The following SH3TC1 variants were observed in gnomAD, a reference collection of about 807,000 sequenced individuals.
SH3TC1 encodes the protein SH3 domain and tetratricopeptide repeats 1.
In SH3TC1, 135 loss-of-function variants were observed where a neutral mutation model predicts 117.3. The ratio of observed to expected loss-of-function variants is 1.15; its 90% CI spans 1.00 to 1.33. The LOEUF is 1.33. SH3TC1 is among the 40% of genes most tolerant of loss of function. The pLI is 0.00. For missense variants in SH3TC1, 2,092 were observed against 1,794.3 expected (o/e 1.17, Z -3.00); for synonymous variants, 898 against 816.9 (o/e 1.10, Z -1.69).
chr4:8,235,306 G>A (rs2152997241), intron 14 of SH3TC1, 127 bp from the exon 15 acceptor site: 1 of 1,195,302 alleles, frequency 8.4e-7, no homozygotes, highest in Middle Eastern at 3.0e-4. Context: ...AATGCACAGG[G>A]TCTGAAAAAG....
At chr4:8,238,018 A>T (rs1721978040) in intron 17 of SH3TC1, among the ~76,000 whole-genome samples, 1 of 152,182 alleles carries the variant, frequency 6.6e-6, no homozygotes, top group South Asian at 2.1e-4. Context: ...TCTAACAAAG[A>T]AAACAGGGTA....
chr4:8,197,508 C>G (rs915735049), upstream of SH3TC1, among the ~76,000 whole-genome samples: 5 of 152,242 alleles, frequency 3.3e-5, no homozygotes, highest in African/African-American at 1.2e-4. Flanking sequence ...GCTGCGGCCC[C>G]TCTGCCTGTG....
At chr4:8,213,113 C>A (rs1718900034) in intron 4 of SH3TC1, 2 of 456,266 alleles carry the variant, frequency 4.4e-6, no homozygotes, top group Non-Finnish European at 7.8e-6. Flanking sequence ...GCCCTCCACC[C>A]ACAAGGACTG....
At chr4:8,214,722 C>G in intron 5 of SH3TC1, 142 bp downstream of exon 5, 1 of 703,436 alleles carries the variant, frequency 1.4e-6, no homozygotes, top group African/African-American at 1.8e-5. Context: ...CTTGCTCTGT[C>G]GCCCAGGCTG....
At chr4:8,202,180 G>C (rs1717883917) in intron 1 of SH3TC1, among the ~76,000 whole-genome samples, 1 of 152,206 alleles carries the variant, frequency 6.6e-6, no homozygotes, top group African/African-American at 2.4e-5. Flanking sequence ...GCAGCCACAG[G>C]TGCCAGGACC....
At chr4:8,203,715 G>T (rs772076923) in intron 1 of SH3TC1, among the ~76,000 whole-genome samples, 1 of 152,092 alleles carries the variant, frequency 6.6e-6, no homozygotes, top group Non-Finnish European at 1.5e-5. Context: ...ACTTTGTGGC[G>T]CATGGACTCG....
intron 4 of SH3TC1, 67 bp from the exon 5 acceptor site, chr4:8,214,408 G>T: frequency 7.0e-7 from 1 of 1,421,708 alleles, no homozygotes; most frequent in Non-Finnish European, 9.9e-7. Flanking sequence ...TCATGTGGAC[G>T]CTGTCCTCCT....
chr4:8,203,483 G>A (rs747911716), intron 1 of SH3TC1, among the ~76,000 whole-genome samples: 4 of 152,052 alleles, frequency 2.6e-5, no homozygotes, highest in Non-Finnish European at 5.9e-5. Flanking sequence ...TGGGTTTTCA[G>A]GCTCAGAGCC....
At position 8,205,495 on chromosome 4, in the gene SH3TC1, C is replaced by T; in HGVS notation, c.172+129C>T. ...CTTGGGGCTGGGGCTGGAGTCTGCT[C>T]TCCATCACTTCTCGTTTCCTTCCCC... On this transcript the variant is annotated intron_variant, in intron 2 of 17. Coordinates refer to ENST00000245105, the MANE Select transcript of SH3TC1 (RefSeq NM_018986.5). This position sits in a 1 kb window ranked among gnomAD's most constrained non-coding sequence, Gnocchi z 5.4. The T allele has an allele frequency of 8.0e-7, 1 of 1,247,586 alleles. No homozygotes were observed. The highest frequency in any genetic ancestry group is 1.2e-6 in the Non-Finnish European group (1 of 852,282). 77.3% of individuals were successfully genotyped at this position (1,247,586 alleles called of 1,614,324 possible).
In SH3TC1 at chr4:8,228,537, T is replaced by TG. The variant is rs1293661688; in HGVS notation, c.2844dup (p.Leu949AlafsTer63). 1.2e-6 allele frequency: 2 copies of TG among 1,610,840 alleles called. No individual in the cohort carries two copies. Among genetic ancestry groups the TG allele is most frequent in the Non-Finnish European group, 1.7e-6 (2 of 1,179,324 alleles). The stretch of plus-strand genomic sequence containing the variant: ...GAGTGTGGCCGGGACTTCACCCACG[T>TG]GCTCCTGCAGCTGGGCCATCTCTGC... On this transcript the variant is annotated frameshift_variant, in exon 12 of 18. Coordinates refer to ENST00000245105, the MANE Select transcript of SH3TC1 (RefSeq NM_018986.5). LOFTEE classifies it high-confidence loss of function.
intron 9 of SH3TC1, among the ~76,000 whole-genome samples, chr4:8,219,774 G>A (rs1719726253): frequency 6.6e-6 from 1 of 152,244 alleles, no homozygotes; most frequent in African/African-American, 2.4e-5. Context: ...CTGCCCATGT[G>A]CATCATCTTT....
At chr4:8,194,850 C>T (rs1403217754), upstream of SH3TC1, among the ~76,000 whole-genome samples, 1 of 152,182 alleles carries the variant, frequency 6.6e-6, no homozygotes, top group Non-Finnish European at 1.5e-5. Flanking sequence ...ACTTGCTTCC[C>T]GGGGTTTCCG....
intron 11 of SH3TC1, among the ~76,000 whole-genome samples, chr4:8,226,043 A>G (rs1720430490): frequency 6.6e-6 from 1 of 152,134 alleles, no homozygotes; most frequent in South Asian, 2.1e-4. Context: ...TTGCCTCTAA[A>G]TCATATGTAA....
At chr4:8,238,724 CA>C (rs1262010181) in intron 17 of SH3TC1, among the ~76,000 whole-genome samples, 1 of 152,206 alleles carries the variant, frequency 6.6e-6, no homozygotes, top group Non-Finnish European at 1.5e-5. Context: ...GCTCACTGCT[CA>C]GGGGCTGGCC....
intron 2 of SH3TC1, among the ~76,000 whole-genome samples, chr4:8,208,337 C>T (rs1177440995): frequency 6.6e-6 from 1 of 151,918 alleles, no homozygotes; most frequent in Non-Finnish European, 1.5e-5. Flanking sequence ...ATCTGAGCAC[C>T]ACATACTTCT....
chr4:8,203,498 G>A (rs554037399), intron 1 of SH3TC1, among the ~76,000 whole-genome samples: 8 of 152,242 alleles, frequency 5.3e-5, no homozygotes, highest in African/African-American at 1.7e-4. Flanking sequence ...AGAGCCTCGG[G>A]GGAGGGCTGG....
intron 13 of SH3TC1, chr4:8,232,733 C>T (rs1168142895): frequency 6.2e-6 from 8 of 1,289,802 alleles, no homozygotes; most frequent in African/African-American, 3.0e-5. Flanking sequence ...TGCACTCACA[C>T]CCCTTCGACT....
intron 1 of SH3TC1, chr4:8,201,705 A>G (rs1236594855): frequency 6.6e-6 from 1 of 152,274 alleles, no homozygotes; most frequent in Non-Finnish European, 1.5e-5. Context: ...GCTTAGGGTT[A>G]TAACAGCAGG....
intron 9 of SH3TC1, among the ~76,000 whole-genome samples, chr4:8,221,500 T>C (rs570318663): frequency 1.3e-5 from 2 of 152,314 alleles, no homozygotes; most frequent in African/African-American, 4.8e-5. Context: ...AGAAGAAAGT[T>C]GCAAAAAGAG....
Sources: gnomAD v4.1 joint callset for allele counts (sites outside exome capture counted in the v4.1 genomes callset) on GRCh38, gnomAD v4.1.1 for gene constraint, Gnocchi (gnomAD v3.1) non-coding constraint, MANE v1.5 for transcripts, NCBI Gene and HGNC (gene_info 2026-07-23, HGNC 2026-07-21) for gene names.